The following PARD3B variants were observed in gnomAD, a reference collection of about 807,000 sequenced individuals.
PARD3B encodes the protein par-3 family cell polarity regulator beta.
In PARD3B, 103 loss-of-function variants were observed where a neutral mutation model predicts 130.2. The ratio of observed to expected loss-of-function variants is 0.79; its 90% CI spans 0.67 to 0.93. PARD3B has a LOEUF of 0.93. Among genes scored for constraint, PARD3B ranks in the 40% least tolerant of loss-of-function variants. The pLI is 0.00. For missense variants in PARD3B, 1,609 were observed against 1,499.2 expected (o/e 1.07, Z -1.21); for synonymous variants, 583 against 553.2 (o/e 1.05, Z -0.76).
At chr2:204,925,576 T>G (rs1321956711) in intron 2 of PARD3B, among the ~76,000 whole-genome samples, 1 of 142,562 alleles carries the variant, frequency 7.0e-6, no homozygotes, top group Non-Finnish European at 1.6e-5. Flanking sequence ...TACGGCAAGA[T>G]GAGGAAACGA....
At chr2:205,022,148 G>T (rs1451050845) in intron 3 of PARD3B, among the ~76,000 whole-genome samples, 2 of 152,032 alleles carry the variant, frequency 1.3e-5, no homozygotes, top group Non-Finnish European at 2.9e-5. Flanking sequence ...ATATTATTGT[G>T]TCACAAAAAG....
At chr2:204,643,889 A>G (rs1454442881) in intron 1 of PARD3B, among the ~76,000 whole-genome samples, 2 of 152,192 alleles carry the variant, frequency 1.3e-5, no homozygotes, top group South Asian at 2.1e-4. Flanking sequence ...TAACCTGAGT[A>G]TACAACATTT....
intron 6 of PARD3B, 78 bp from the exon 7 acceptor site, chr2:205,118,843 T>A: frequency 9.7e-7 from 1 of 1,026,240 alleles, no homozygotes; most frequent in Non-Finnish European, 1.4e-6. Context: ...CAATATGTAT[T>A]TCTGAATAGT....
At chr2:204,620,893 C>T (rs2034276435) in intron 1 of PARD3B, among the ~76,000 whole-genome samples, 1 of 108,616 alleles carries the variant, frequency 9.2e-6, no homozygotes, top group Non-Finnish European at 2.1e-5. Context: ...TTCTGAGTGC[C>T]CTTTCCCTAT....
intron 18 of PARD3B, among the ~76,000 whole-genome samples, chr2:205,343,796 A>G (rs904426270): frequency 2.0e-5 from 3 of 148,220 alleles, no homozygotes; most frequent in East Asian, 4.0e-4. Flanking sequence ...CCCACCCACA[A>G]TATCTTCTCT....
At chr2:205,410,231 T>C (rs1484436002) in intron 19 of PARD3B, among the ~76,000 whole-genome samples, 1 of 152,114 alleles carries the variant, frequency 6.6e-6, no homozygotes, top group Admixed American at 6.6e-5. Flanking sequence ...CTCAAAAAGT[T>C]TCAGATTTTG....
Position 205,172,341 on chromosome 2 carries a change from TCCAGTTGGTG to T in PARD3B, c.1752_1761del (p.Gln585PhefsTer2), listed in dbSNP as rs759430387. The T allele has an allele frequency of 6.2e-7, 1 of 1,614,124 alleles. No individual in the cohort carries two copies. Among genetic ancestry groups the T allele is most frequent in the Non-Finnish European group, 8.5e-7 (1 of 1,179,992 alleles). ...ATGGAGGGAAACATCCGAGGGATGA[TCCAGTTGGTG>T]ATTCTGAGGAGGCCAGAGAGACCAA... On this transcript the variant is annotated frameshift_variant, in exon 12 of 23. Coordinates refer to ENST00000406610, the MANE Select transcript of PARD3B (RefSeq NM_001302769.2). LOFTEE classifies it high-confidence loss of function.
At chr2:205,243,361 C>T (rs574657114) in intron 15 of PARD3B, among the ~76,000 whole-genome samples, 20 of 152,318 alleles carry the variant, frequency 1.3e-4, no homozygotes, top group African/African-American at 4.8e-4. Flanking sequence ...ATGTAATCAT[C>T]ACCACAAACC....
At chr2:205,018,473 A>G (rs1457596094) in intron 3 of PARD3B, among the ~76,000 whole-genome samples, 2 of 152,038 alleles carry the variant, frequency 1.3e-5, no homozygotes, top group Non-Finnish European at 2.9e-5. Context: ...CTGATCTGCA[A>G]ATAAGAGCAT....
Position 205,027,981 on chromosome 2 carries a change from A to G in PARD3B, c.395-19600A>G, listed in dbSNP as rs181494459. 2.0e-5 allele frequency among the ~76,000 whole-genome samples: 3 copies of G among 152,168 alleles called. No individual in the cohort carries two copies. In the East Asian group the frequency reaches 5.8e-4, roughly 29 times the overall value. On this transcript the variant is annotated intron_variant, in intron 3 of 22. Coordinates refer to ENST00000406610, the MANE Select transcript of PARD3B (RefSeq NM_001302769.2). Reference sequence around the variant, plus strand: ...TATTACTGTGGCTATGTACTTTTGTAATACAGTTTAAAATCAGGGTATGAT... The same window carrying G: ...TATTACTGTGGCTATGTACTTTTGTGATACAGTTTAAAATCAGGGTATGAT...
At chr2:204,927,956 A>C (rs1687754445) in intron 2 of PARD3B, among the ~76,000 whole-genome samples, 1 of 152,194 alleles carries the variant, frequency 6.6e-6, no homozygotes. Flanking sequence ...ATTACTACAA[A>C]AAGATGCTGT....
intron 1 of PARD3B, among the ~76,000 whole-genome samples, chr2:204,607,243 T>A (rs1446227970): frequency 6.6e-6 from 1 of 152,222 alleles, no homozygotes; most frequent in Non-Finnish European, 1.5e-5. Context: ...GATTATCATA[T>A]AGACGAATGA....
At chr2:204,810,078 A>T (rs1364687789) in intron 2 of PARD3B, among the ~76,000 whole-genome samples, 7 of 135,638 alleles carry the variant, frequency 5.2e-5, no homozygotes, top group African/African-American at 2.5e-4. Context: ...TGATTTTTTA[A>T]CATTGATTTT....
chr2:205,377,687 A>T (rs184710423), intron 18 of PARD3B, among the ~76,000 whole-genome samples: 1 of 152,046 alleles, frequency 6.6e-6, no homozygotes, highest in East Asian at 1.9e-4. Flanking sequence ...TTAACAAATG[A>T]CATGAGAGCA....
At chr2:205,464,326 G>A (rs1351989748) in intron 20 of PARD3B, among the ~76,000 whole-genome samples, 1 of 152,180 alleles carries the variant, frequency 6.6e-6, no homozygotes, top group Non-Finnish European at 1.5e-5. Flanking sequence ...AAGTTGGTTA[G>A]TAGACTAGGA....
At chr2:205,030,402 G>T (rs1427282378) in intron 3 of PARD3B, among the ~76,000 whole-genome samples, 1 of 152,134 alleles carries the variant, frequency 6.6e-6, no homozygotes, top group Non-Finnish European at 1.5e-5. Context: ...TTTGAATGCT[G>T]AAAAGTTGTT....
intron 20 of PARD3B, among the ~76,000 whole-genome samples, chr2:205,477,762 A>T (rs1489514342): frequency 6.6e-6 from 1 of 152,240 alleles, no homozygotes; most frequent in Non-Finnish European, 1.5e-5. Context: ...ACCATTGTCC[A>T]ACTGTGAGAG....
intron 2 of PARD3B, among the ~76,000 whole-genome samples, chr2:204,742,365 A>G (rs556406587): frequency 6.6e-6 from 1 of 152,290 alleles, no homozygotes; most frequent in South Asian, 2.1e-4. Flanking sequence ...GAAGAAAACC[A>G]TGTAAAAATG....
chr2:204,699,229 G>C (rs1201301365), intron 2 of PARD3B, among the ~76,000 whole-genome samples: 1 of 152,086 alleles, frequency 6.6e-6, no homozygotes, highest in Non-Finnish European at 1.5e-5. Flanking sequence ...GGAGCCCTGG[G>C]CCCCTAAATG....
Sources: allele counts gnomAD v4.1 joint callset (sites outside exome capture counted in the v4.1 genomes callset), GRCh38; gene constraint gnomAD v4.1.1; transcripts MANE v1.5; gene names NCBI Gene and HGNC (gene_info 2026-07-23, HGNC 2026-07-21).